Variants in UBE2E3 observed in about 807,000 individuals in gnomAD.
The protein encoded by UBE2E3 is ubiquitin-conjugating enzyme E2 E3.
A neutral mutation model predicts 23.6 loss-of-function variants in UBE2E3; 5 were observed. The observed-to-expected ratio is 0.21, with a 90% CI of 0.11 to 0.44. UBE2E3 has a LOEUF of 0.44. Ranked by LOEUF, UBE2E3 falls within the 20% of genes least tolerant of loss-of-function variation. The pLI, the probability that UBE2E3 is intolerant of heterozygous loss-of-function variation, is 0.99. For synonymous variants in UBE2E3, 78 were observed against 87.5 expected (o/e 0.89, Z 0.60); for missense variants, 81 against 249.8 (o/e 0.32, Z 4.55).
At chr2:181,000,973 A>C (rs1362346133) in intron 3 of UBE2E3, among the ~76,000 whole-genome samples, 1 of 152,236 alleles carries the variant, frequency 6.6e-6, no homozygotes, top group Admixed American at 6.5e-5. Flanking sequence ...ATTACAAATA[A>C]TGTATGTTGT....
chr2:181,053,888 A>T (rs1686915093), intron 3 of UBE2E3, among the ~76,000 whole-genome samples: 2 of 151,658 alleles, frequency 1.3e-5, no homozygotes, highest in African/African-American at 4.8e-5. Flanking sequence ...AACCACTGAT[A>T]TTTTTACTGT....
At chr2:180,983,889 G>A in intron 2 of UBE2E3, 154 bp from the exon 3 acceptor site, 1 of 516,794 alleles carries the variant, frequency 1.9e-6, no homozygotes, top group Non-Finnish European at 3.4e-6. Context: ...TTTGGGTTAT[G>A]CCTCTGAGAA....
At chr2:181,039,707 C>T (rs1360700312) in intron 3 of UBE2E3, among the ~76,000 whole-genome samples, 1 of 152,110 alleles carries the variant, frequency 6.6e-6, no homozygotes, top group African/African-American at 2.4e-5. Context: ...TTTATAATGA[C>T]AAAGACACTG....
rs59513467 is a variant in UBE2E3, at chr2:181,005,741, A to G, written c.245+21648A>G. On this transcript the variant is annotated intron_variant, in intron 3 of 5. Coordinates refer to ENST00000410062, the MANE Select transcript of UBE2E3 (RefSeq NM_006357.4). ...TATATTTTTTCTATTTAACAGACCT[A>G]CATTTTTAGCTTTAATCTTTTGTAT... 8.5e-3 allele frequency among the ~76,000 whole-genome samples: 1,292 copies of G among 152,256 alleles called. 22 individuals carry two copies. Among genetic ancestry groups the G allele is most frequent in the African/African-American group, 0.03 (1,226 of 41,528 alleles).
chr2:181,045,497 C>T (rs1395333497), intron 3 of UBE2E3, among the ~76,000 whole-genome samples: 1 of 152,044 alleles, frequency 6.6e-6, no homozygotes, highest in African/African-American at 2.4e-5. Flanking sequence ...CTTTTTTTCC[C>T]CATTCTTTCT....
At chr2:180,984,539 T>G (rs957799511) in intron 3 of UBE2E3, among the ~76,000 whole-genome samples, 4 of 152,328 alleles carry the variant, frequency 2.6e-5, no homozygotes, top group African/African-American at 9.6e-5. Flanking sequence ...TCTGTTTGAT[T>G]TATTCAGTTA....
At chr2:181,051,566 A>G (rs902840345) in intron 3 of UBE2E3, among the ~76,000 whole-genome samples, 1 of 151,764 alleles carries the variant, frequency 6.6e-6, no homozygotes, top group Admixed American at 6.6e-5. Context: ...TCCTACCCCC[A>G]TTACTCATAC....
intron 3 of UBE2E3, among the ~76,000 whole-genome samples, chr2:181,012,282 A>G (rs1171066432): frequency 6.6e-6 from 1 of 152,212 alleles, no homozygotes; most frequent in African/African-American, 2.4e-5. Flanking sequence ...TAAATTTTCA[A>G]ATATAACTGA....
intron 3 of UBE2E3, among the ~76,000 whole-genome samples, chr2:181,028,348 T>C: frequency 6.6e-6 from 1 of 152,102 alleles, no homozygotes; most frequent in East Asian, 1.9e-4. Context: ...TTTTTGTCAC[T>C]ATGAACAATC....
Position 181,008,522 on chromosome 2 carries a change from A to G in UBE2E3, c.245+24429A>G, listed in dbSNP as rs375296521. Among the ~76,000 whole-genome samples the G allele has an allele frequency of 7.2e-5, 11 of 152,332 alleles. No homozygotes were observed. The East Asian group carries it at 1.9e-3, about 27-fold the overall frequency. On this transcript the variant is annotated intron_variant, in intron 3 of 5. Transcript: ENST00000410062. ...GTATGTGCATTTCTAGTTCTGGCTG[A>G]GGTCCAACTGGATATATACAGCAGT...
At chr2:180,992,688 G>A (rs1236310741) in intron 3 of UBE2E3, among the ~76,000 whole-genome samples, 1 of 151,884 alleles carries the variant, frequency 6.6e-6, no homozygotes, top group Non-Finnish European at 1.5e-5. Context: ...TGGAGACAGA[G>A]TCTCACTCTG....
At chr2:181,019,638 CTACT>C (rs375925684) in intron 3 of UBE2E3, among the ~76,000 whole-genome samples, 3 of 152,008 alleles carry the variant, frequency 2.0e-5, no homozygotes, top group Admixed American at 6.5e-5. Flanking sequence ...TTTAAAAAGT[CTACT>C]TACTATTAGT....
At chr2:180,999,969 A>G (rs1346480251) in intron 3 of UBE2E3, among the ~76,000 whole-genome samples, 1 of 152,274 alleles carries the variant, frequency 6.6e-6, no homozygotes, top group Non-Finnish European at 1.5e-5. Flanking sequence ...CAGTTGTAAT[A>G]ACAAGATATA....
intron 3 of UBE2E3, among the ~76,000 whole-genome samples, chr2:181,044,689 A>C (rs1328273731): frequency 6.6e-6 from 1 of 152,058 alleles, no homozygotes; most frequent in Non-Finnish European, 1.5e-5. Flanking sequence ...TTCTTAATGC[A>C]TCTTTTGTTG....
chr2:181,011,301 C>G (rs1316772157), intron 3 of UBE2E3, among the ~76,000 whole-genome samples: 1 of 151,772 alleles, frequency 6.6e-6, no homozygotes, highest in Non-Finnish European at 1.5e-5. Context: ...TGGCAGAGTT[C>G]AAGAGAGAGA....
chr2:181,022,058 A>G (rs1446851438), intron 3 of UBE2E3, among the ~76,000 whole-genome samples: 1 of 152,222 alleles, frequency 6.6e-6, no homozygotes, highest in Non-Finnish European at 1.5e-5. Flanking sequence ...TGGAAATTGT[A>G]AAATGCAGTA....
At chr2:180,991,188 A>G (rs1313064222) in intron 3 of UBE2E3, among the ~76,000 whole-genome samples, 3 of 151,928 alleles carry the variant, frequency 2.0e-5, no homozygotes, top group Non-Finnish European at 4.4e-5. Flanking sequence ...GGATTCTAGA[A>G]TTGTAGATAA....
intron 3 of UBE2E3, among the ~76,000 whole-genome samples, chr2:180,998,989 G>A (rs1346305964): frequency 3.3e-5 from 5 of 152,058 alleles, no homozygotes; most frequent in Admixed American, 2.6e-4. Flanking sequence ...TGTGTAAGTG[G>A]TATAAATGTC....
intron 3 of UBE2E3, among the ~76,000 whole-genome samples, chr2:181,004,278 CAT>C (rs1417680500): frequency 6.6e-6 from 1 of 152,084 alleles, no homozygotes; most frequent in Non-Finnish European, 1.5e-5. Context: ...AACTTGATAA[CAT>C]AATGTTAATA....
Sources: gnomAD v4.1 joint callset for allele counts (sites outside exome capture counted in the v4.1 genomes callset) on GRCh38, gnomAD v4.1.1 for gene constraint, MANE v1.5 for transcripts, NCBI Gene and HGNC (gene_info 2026-07-23, HGNC 2026-07-21) for gene names.